ZFAT: variants seen among roughly 807,000 people sequenced by gnomAD.
The protein encoded by ZFAT is zinc finger protein ZFAT.
A neutral mutation model predicts 117.7 loss-of-function variants in ZFAT; 64 were observed. The observed-to-expected ratio is 0.54, with a 90% CI of 0.44 to 0.67. The LOEUF is 0.67. Ranked by LOEUF, ZFAT falls within the 30% of genes least tolerant of loss-of-function variation. The pLI, the probability that ZFAT is intolerant of heterozygous loss-of-function variation, is 0.00. For missense variants in ZFAT, 1,433 were observed against 1,584.5 expected, an observed-to-expected ratio of 0.90 and a Z score of 1.62; for synonymous variants, 679 against 615.0, an observed-to-expected ratio of 1.10 and a Z score of -1.54.
At chr8:134,744,769 A>G in the ZFAT span, among the ~76,000 whole-genome samples, 1,142 of 105,708 alleles carry the variant, frequency 0.011, 10 homozygotes, top group East Asian at 0.041. Flanking sequence ...TTGCTCTGTC[A>G]CCTAGGCTGG....
intron 11 of ZFAT, among the ~76,000 whole-genome samples, chr8:134,540,224 G>A (rs536056098): frequency 7.2e-5 from 11 of 152,290 alleles, no homozygotes; most frequent in African/African-American, 2.2e-4. Flanking sequence ...AGATGGGCTC[G>A]GAAGAAGGAC....
At chr8:134,818,335 A>T in the ZFAT span, among the ~76,000 whole-genome samples, 1 of 152,332 alleles carries the variant, frequency 6.6e-6, no homozygotes, top group East Asian at 1.9e-4. Context: ...GATGCTTCCC[A>T]AAAGAGAAAG....
intron 9 of ZFAT, 82 bp downstream of exon 9, chr8:134,588,164 G>A: frequency 6.9e-7 from 1 of 1,442,258 alleles, no homozygotes; most frequent in Non-Finnish European, 9.2e-7. Flanking sequence ...TGAAGATACG[G>A]CTTCCTCTTA....
At chr8:134,793,247 A>G in the ZFAT span, 2 of 152,242 alleles carry the variant, frequency 1.3e-5, no homozygotes, top group African/African-American at 4.8e-5. Flanking sequence ...CACACAGATG[A>G]ATTAGTAGTA....
chr8:134,630,259 A>T (rs956059218), intron 3 of ZFAT, among the ~76,000 whole-genome samples: 4 of 152,224 alleles, frequency 2.6e-5, no homozygotes, highest in Admixed American at 2.6e-4. Context: ...GTTAGTACAG[A>T]GGAAAAAATG....
At position 134,548,783 on chromosome 8, in the gene ZFAT, T is replaced by C. The variant is rs940252120; in HGVS notation, c.2977-15811A>G. Among the ~76,000 whole-genome samples, 3 of 152,292 alleles carry C rather than the reference T, an allele frequency of 2.0e-5. No homozygotes were observed. In the East Asian group the frequency reaches 5.8e-4, roughly 29 times the overall value. ...TCTAGAGGGCACACCATGGAAAACA[T>C]TGACTTATGGCCTCTTCCAGGGAGG... On this transcript the variant is annotated intron_variant, in intron 11 of 15. Transcript: ENST00000377838.
At chr8:134,649,217 T>A (rs1427407768) in intron 2 of ZFAT, among the ~76,000 whole-genome samples, 1 of 135,934 alleles carries the variant, frequency 7.4e-6, no homozygotes, top group Non-Finnish European at 1.5e-5. Context: ...TCATACTTAA[T>A]GGTAAAAGAC....
chr8:134,553,260 C>T (rs1209088271), intron 11 of ZFAT, among the ~76,000 whole-genome samples: 5 of 152,176 alleles, frequency 3.3e-5, no homozygotes, highest in Non-Finnish European at 5.9e-5. Flanking sequence ...AATCCCAACA[C>T]TTTGGGAGGC....
chr8:134,737,105 A>G, the ZFAT span, among the ~76,000 whole-genome samples: 1 of 151,944 alleles, frequency 6.6e-6, no homozygotes, highest in African/African-American at 2.4e-5. Flanking sequence ...ACATGGAGAA[A>G]CCCCGTCTCT....
chr8:134,627,587 C>A (rs1829601935), intron 3 of ZFAT, among the ~76,000 whole-genome samples: 1 of 152,178 alleles, frequency 6.6e-6, no homozygotes, highest in South Asian at 2.1e-4. Context: ...CATGTACCTA[C>A]CCAGGGCCTC....
the ZFAT span, among the ~76,000 whole-genome samples, chr8:134,769,526 C>T: frequency 4.6e-3 from 703 of 152,312 alleles, 4 homozygotes; most frequent in Non-Finnish European, 7.6e-3. Flanking sequence ...GCTTCCCTCC[C>T]AGCTACTTTC....
intron 11 of ZFAT, among the ~76,000 whole-genome samples, chr8:134,546,854 AATT>A (rs1183254438): frequency 6.6e-6 from 1 of 152,224 alleles, no homozygotes; most frequent in African/African-American, 2.4e-5. Flanking sequence ...ATGTTCATCA[AATT>A]ATTATCATTG....
chr8:134,571,057 C>CGGA (rs910349076), intron 10 of ZFAT, among the ~76,000 whole-genome samples: 96 of 152,314 alleles, frequency 6.3e-4, no homozygotes, highest in African/African-American at 2.1e-3. Context: ...CGAGCATTCA[C>CGGA]GGAGGGGCTG....
At chr8:134,782,939 C>T in the ZFAT span, among the ~76,000 whole-genome samples, 1,691 of 151,996 alleles carry the variant, frequency 0.011, 19 homozygotes, top group Non-Finnish European at 0.019. Flanking sequence ...TTTAAGTTTG[C>T]GGACATCCTC....
chr8:134,631,806 T>C (rs1829910996), intron 3 of ZFAT, among the ~76,000 whole-genome samples: 1 of 152,200 alleles, frequency 6.6e-6, no homozygotes, highest in Non-Finnish European at 1.5e-5. Context: ...GCTAGAGTTG[T>C]GTAGGGTGTA....
intron 1 of ZFAT, among the ~76,000 whole-genome samples, chr8:134,679,046 A>G (rs916106649): frequency 1.3e-5 from 2 of 152,252 alleles, no homozygotes; most frequent in Non-Finnish European, 2.9e-5. Context: ...TTCATGACTA[A>G]AACACCAAAA....
the ZFAT span, among the ~76,000 whole-genome samples, chr8:134,752,028 A>G: frequency 1.3e-5 from 2 of 151,858 alleles, no homozygotes; most frequent in Non-Finnish European, 2.9e-5. Flanking sequence ...TTTTCTCTTC[A>G]CTCCTCAATT....
chr8:134,514,235 G>C (rs1820080376), intron 13 of ZFAT, among the ~76,000 whole-genome samples: 1 of 152,182 alleles, frequency 6.6e-6, no homozygotes, highest in Non-Finnish European at 1.5e-5. Flanking sequence ...AACTATTTCT[G>C]TTGGGTTCAC....
intron 2 of ZFAT, among the ~76,000 whole-genome samples, chr8:134,651,588 G>A (rs1831246811): frequency 1.3e-5 from 2 of 152,186 alleles, no homozygotes; most frequent in Admixed American, 1.3e-4. Flanking sequence ...ATAGTGAACT[G>A]GAAAATGGAT....
Sources: gnomAD v4.1 joint callset for allele counts (sites outside exome capture counted in the v4.1 genomes callset) on GRCh38, gnomAD v4.1.1 for gene constraint, MANE v1.5 for transcripts, NCBI Gene and HGNC (gene_info 2026-07-23, HGNC 2026-07-21) for gene names.